Variants in VAV2 observed in about 807,000 individuals in gnomAD.
VAV2 encodes guanine nucleotide exchange factor VAV2.
A neutral mutation model predicts 132.5 loss-of-function variants in VAV2; 67 were observed. The ratio of observed to expected loss-of-function variants is 0.51; its 90% CI spans 0.42 to 0.62. The LOEUF is 0.62. VAV2 is among the 20% of genes least tolerant of loss of function. VAV2 has a pLI of 0.00. For synonymous variants in VAV2, 492 were observed against 443.5 expected (o/e 1.11, Z -1.37); for missense variants, 938 against 1,153.6 (o/e 0.81, Z 2.71).
intron 3 of VAV2, among the ~76,000 whole-genome samples, chr9:133,837,342 A>G (rs1836510126): frequency 6.6e-6 from 1 of 152,172 alleles, no homozygotes; most frequent in Admixed American, 6.5e-5. Context: ...TGATTTTGGA[A>G]TCTTGTTTCC....
intron 13 of VAV2, among the ~76,000 whole-genome samples, chr9:133,791,189 G>A (rs922217207): frequency 6.6e-6 from 1 of 152,216 alleles, no homozygotes. Context: ...TTCCTGGGGT[G>A]GCGCATCCCC....
intron 4 of VAV2, among the ~76,000 whole-genome samples, chr9:133,825,326 G>A (rs1027169591): frequency 1.3e-5 from 2 of 152,172 alleles, no homozygotes; most frequent in Non-Finnish European, 2.9e-5. Flanking sequence ...GGGACGGGGG[G>A]ATGCCTGTCA....
chr9:133,839,594 C>T (rs1275282286), intron 3 of VAV2, among the ~76,000 whole-genome samples: 11 of 151,882 alleles, frequency 7.2e-5, no homozygotes, highest in South Asian at 2.1e-4. Context: ...GGATTACAGG[C>T]GCCCACCCCG....
chr9:133,806,081 C>T lies in VAV2; in HGVS notation c.836G>A (p.Arg279Lys). The T allele has an allele frequency of 6.2e-7, 1 of 1,612,474 alleles. No homozygotes were observed. The highest frequency in any genetic ancestry group is 1.1e-5 in the South Asian group (1 of 90,936). Residue 279 changes from arginine to lysine, a missense_variant and splice_region_variant, in exon 9 of 30, where the codon AGG becomes AAG. Arg to Lys is a conservative substitution (Grantham distance 26). Coordinates refer to ENST00000371850, the MANE Select transcript of VAV2 (RefSeq NM_001134398.2). ...GCCCCAGGAGCCGGCAGCCACTCACCTTTCCTTGAAATCGAGGAAGACCTT... is the reference window on the plus strand; with the variant it reads ...GCCCCAGGAGCCGGCAGCCACTCACTTTTCCTTGAAATCGAGGAAGACCTT... ...LAKVFLDFKE[R>K]LLIYGEYCSH...
Position 133,908,049 on chromosome 9 carries a change from A to T in VAV2, c.321+31054T>A, listed in dbSNP as rs1455487482. Among the ~76,000 whole-genome samples the T allele has an allele frequency of 6.5e-5, 3 of 46,120 alleles. No homozygotes were observed. In the Admixed American group the frequency reaches 8.7e-4, roughly 13 times the overall value. The allele number at this position is 46,120 out of a possible 152,430, so 30.3% of individuals were successfully genotyped here. A position where few individuals can be genotyped will look rare whatever the true frequency, so the allele number is the denominator to read the frequency against. ...GGGAGGGTCTGAAGGCGCCCCTCCC[A>T]CCCCACGCCCCCTACCTTCTCTGCC... On this transcript the variant is annotated intron_variant, in intron 2 of 29. Transcript: ENST00000371850.
Position 133,775,036 on chromosome 9 carries a change from C to T in VAV2, c.2034G>A (p.Met678Ile). Residue 678 changes from methionine (M) to isoleucine (I), a missense_variant, in exon 25 of 30, where the codon ATG becomes ATA. Coordinates refer to ENST00000371850, the MANE Select transcript of VAV2 (RefSeq NM_001134398.2). ...YTAYPWFAGN[M>I]ERQQTDNLLK... ...GCAGGTTGTCCGTCTGCTGCCTCTC[C>T]ATGTTACCTGCAAACCTACAGGAGG... 7 of 1,610,436 alleles carry T rather than the reference C, an allele frequency of 4.3e-6. No individual in the cohort carries two copies. Among genetic ancestry groups the T allele is most frequent in the Non-Finnish European group, 5.9e-6 (7 of 1,178,510 alleles).
At chr9:133,815,004 C>T (rs1006251926) in intron 4 of VAV2, among the ~76,000 whole-genome samples, 1 of 152,186 alleles carries the variant, frequency 6.6e-6, no homozygotes, top group Non-Finnish European at 1.5e-5. Flanking sequence ...CCGGGAAATA[C>T]AGGATACGAT....
In VAV2 at chr9:133,794,336, C is replaced by G. The variant is rs547311605; in HGVS notation, c.1101+1332G>C. ...TTCCTGGAGCATTCCTCAGGGTGCTCGCTGCCCAGTGCAGCCGAGCGGGAA... is the reference window on the plus strand; with the variant it reads ...TTCCTGGAGCATTCCTCAGGGTGCTGGCTGCCCAGTGCAGCCGAGCGGGAA... On this transcript the variant is annotated intron_variant, in intron 12 of 29. Coordinates refer to ENST00000371850, the MANE Select transcript of VAV2 (RefSeq NM_001134398.2). The surrounding 1 kb of genome is among the most constrained non-coding windows in gnomAD (Gnocchi z 4.6). Among the ~76,000 whole-genome samples, 3 of 152,142 alleles carry G rather than the reference C, an allele frequency of 2.0e-5. No homozygotes were observed. The South Asian group carries it at 6.2e-4, about 32-fold the overall frequency.
intron 2 of VAV2, among the ~76,000 whole-genome samples, chr9:133,867,965 C>G (rs1374907357): frequency 6.6e-6 from 1 of 152,370 alleles, no homozygotes; most frequent in East Asian, 1.9e-4. Context: ...AGACAGGGAT[C>G]TGAGGTCTCG....
rs1490683453 is a variant in VAV2, at chr9:133,823,200, CT to C, written c.450-10985del. 2.6e-5 allele frequency among the ~76,000 whole-genome samples: 4 copies of C among 152,348 alleles called. No individual in the cohort carries two copies. The East Asian group carries it at 7.7e-4, about 29-fold the overall frequency. ...TAGGTGTCCTCTCTGTGCTCTGCTC[CT>C]TTATGAATGACCCTTATGGAGCGTT... is the stretch of plus-strand genomic sequence containing the variant. On this transcript the variant is annotated intron_variant, in intron 4 of 29. Coordinates refer to ENST00000371850, the MANE Select transcript of VAV2 (RefSeq NM_001134398.2). This position sits in a 1 kb window ranked among gnomAD's most constrained non-coding sequence, Gnocchi z 5.5.
At chr9:133,808,344 G>A (rs934499270) in intron 7 of VAV2, among the ~76,000 whole-genome samples, 12 of 152,228 alleles carry the variant, frequency 7.9e-5, no homozygotes, top group African/African-American at 2.7e-4. Flanking sequence ...CAGGTCTCCC[G>A]GCTGGAGGCA....
chr9:133,975,054 G>A (rs146250667), intron 1 of VAV2, among the ~76,000 whole-genome samples: 6 of 152,144 alleles, frequency 3.9e-5, no homozygotes, highest in African/African-American at 4.8e-5. Flanking sequence ...CCCTTTTTAC[G>A]GCCTTTTCCT....
In VAV2 at chr9:133,764,092, T is replaced by C. The variant is rs777808414; in HGVS notation, c.2607A>G (p.Ser869=). The C allele has an allele frequency of 4.6e-5, 74 of 1,613,540 alleles. No individual in the cohort carries two copies. Among genetic ancestry groups the C allele is most frequent in the Non-Finnish European group, 6.1e-5 (72 of 1,179,896 alleles). The change falls in exon 30 of 30, where the codon TCA becomes TCG. Residue 869 remains serine (S), a synonymous_variant. Transcript: ENST00000371850. ...ETNGRIGWFP[S]TYVEEEGIQ is the part of the protein sequence containing the mutation. ...GGATGCCCTCCTCTTCTACGTACGT[T>C]GAAGGAAACCAGCCAATCTGAAAAA...
chr9:133,983,881 T>C (rs1335255826), intron 1 of VAV2, among the ~76,000 whole-genome samples: 1 of 151,936 alleles, frequency 6.6e-6, no homozygotes, highest in African/African-American at 2.4e-5. Flanking sequence ...TCATTTTCGT[T>C]ACTGTCCCTC....
chr9:133,791,157 C>T (rs1459319947), intron 13 of VAV2, among the ~76,000 whole-genome samples: 1 of 152,212 alleles, frequency 6.6e-6, no homozygotes, highest in East Asian at 1.9e-4. Context: ...CGGCTCCGGT[C>T]AGCACAGACC....
rs151101901 is a variant in VAV2, at chr9:133,802,942, G to A, written c.836+3139C>T. ...ATGGGGGTTAGACAGAGCGGGAGCT[G>A]AGGCTTCTTGACTTCAGAGGTTCCC... On this transcript the variant is annotated intron_variant, in intron 9 of 29. Coordinates refer to ENST00000371850, the MANE Select transcript of VAV2 (RefSeq NM_001134398.2). The surrounding 1 kb of genome is among the most constrained non-coding windows in gnomAD (Gnocchi z 5.8). 6.6e-6 allele frequency among the ~76,000 whole-genome samples: 1 copy of A among 152,220 alleles called. No individual in the cohort carries two copies. Among genetic ancestry groups the A allele is most frequent in the Non-Finnish European group, 1.5e-5 (1 of 68,030 alleles).
In VAV2 at chr9:133,912,283, G is replaced by A. The variant is rs548229846; in HGVS notation, c.321+26820C>T. Among the ~76,000 whole-genome samples the A allele has an allele frequency of 2.3e-4, 35 of 152,322 alleles. No individual in the cohort carries two copies. Among genetic ancestry groups the A allele is most frequent in the African/African-American group, 7.5e-4 (31 of 41,578 alleles). ...CCTACGGCATCAGGACACCGTCACC[G>A]GAGGATGGTCCAAGAAGGCGGGAAG... On this transcript the variant is annotated intron_variant, in intron 2 of 29. Coordinates refer to ENST00000371850, the MANE Select transcript of VAV2 (RefSeq NM_001134398.2). This position sits in a 1 kb window ranked among gnomAD's most constrained non-coding sequence, Gnocchi z 4.3.
intron 12 of VAV2, among the ~76,000 whole-genome samples, chr9:133,795,138 T>A (rs1308935322): frequency 1.3e-5 from 2 of 152,180 alleles, no homozygotes; most frequent in African/African-American, 4.8e-5. Context: ...AGCCCATGCC[T>A]GCTTCATGGG....
At chr9:133,792,566 T>A (rs1834533448) in intron 12 of VAV2, among the ~76,000 whole-genome samples, 1 of 148,844 alleles carries the variant, frequency 6.7e-6, no homozygotes, top group South Asian at 2.2e-4. Context: ...CCGGGTGGGG[T>A]GTGTCTGACT....
Sources: allele counts gnomAD v4.1 joint callset (sites outside exome capture counted in the v4.1 genomes callset), GRCh38; gene constraint gnomAD v4.1.1; non-coding constraint Gnocchi (gnomAD v3.1); transcripts MANE v1.5; gene names NCBI Gene and HGNC (gene_info 2026-07-23, HGNC 2026-07-21).